The following IGSF3 variants were observed in gnomAD, a reference collection of about 807,000 sequenced individuals.
IGSF3 encodes glu-Trp-Ile EWI motif-containing protein 3.
A neutral mutation model predicts 114.4 loss-of-function variants in IGSF3; 23 were observed. That is an observed-to-expected ratio of 0.20 (90% CI 0.14 to 0.28). The LOEUF is 0.28. Among genes scored for constraint, IGSF3 ranks in the 10% least tolerant of loss-of-function variants. IGSF3 has a pLI of 1.00. For synonymous variants in IGSF3, 571 were observed against 645.2 expected (o/e 0.88, Z 1.74); for missense variants, 1,172 against 1,591.5 (o/e 0.74, Z 4.48).
chr1:116,574,917 C>G lies in IGSF3; in HGVS notation c.*2395G>C, dbSNP rs574060172. On this transcript the variant is annotated 3_prime_UTR_variant, in exon 11 of 11. Transcript: ENST00000369486. This position sits in a 1 kb window ranked among gnomAD's most constrained non-coding sequence, Gnocchi z 5.2. Reference sequence around the variant, plus strand: ...CAACCTTTGATGCTATCCCCCAGCCCAATACAAAATACACAGAAAAAGCAA... The same window carrying G: ...CAACCTTTGATGCTATCCCCCAGCCGAATACAAAATACACAGAAAAAGCAA... 1 of 152,712 alleles carries G rather than the reference C, an allele frequency of 6.5e-6. No individual in the cohort carries two copies. The highest frequency in any genetic ancestry group is 1.9e-4 in the East Asian group (1 of 5,192). 9.5% of individuals were successfully genotyped at this position (152,712 alleles called of 1,614,324 possible).
chr1:116,640,863 G>C (rs1419528817), intron 2 of IGSF3, among the ~76,000 whole-genome samples: 1 of 152,194 alleles, frequency 6.6e-6, no homozygotes, highest in Non-Finnish European at 1.5e-5. Flanking sequence ...TCTATTCTTT[G>C]ATGCCTTTGT....
At chr1:116,599,423 C>A (rs1055931206) in intron 7 of IGSF3, among the ~76,000 whole-genome samples, 1 of 146,552 alleles carries the variant, frequency 6.8e-6, no homozygotes, top group Non-Finnish European at 1.5e-5. Context: ...CACACACAAA[C>A]ACACAGGTTA....
At position 116,632,805 on chromosome 1, in the gene IGSF3, AGAAACAAGTG is replaced by A. The variant is rs1458060292; in HGVS notation, c.44-16358_44-16349del. Reference sequence around the variant, plus strand: ...TCCAGAAAAATAAAAGGCTGCAGCGAGAAACAAGTGGGGCCACAGAGAGAAAGGGGTTTTG... The same window carrying A: ...TCCAGAAAAATAAAAGGCTGCAGCGAGGGCCACAGAGAGAAAGGGGTTTTG... On this transcript the variant is annotated intron_variant, in intron 2 of 10. Transcript: ENST00000369486. The surrounding 1 kb of genome is among the most constrained non-coding windows in gnomAD (Gnocchi z 5.1). Among the ~76,000 whole-genome samples, 1 of 152,224 alleles carries A rather than the reference AGAAACAAGTG, an allele frequency of 6.6e-6. No individual in the cohort carries two copies. The highest frequency in any genetic ancestry group is 2.4e-5 in the African/African-American group (1 of 41,460).
In IGSF3 at chr1:116,616,601, T is replaced by C. The variant is rs1378621459; in HGVS notation, c.44-144A>G. The C allele has an allele frequency of 1.6e-6, 1 of 637,938 alleles. No individual in the cohort carries two copies. Among genetic ancestry groups the C allele is most frequent in the African/African-American group, 1.8e-5 (1 of 54,936 alleles). The allele number at this position is 637,938 out of a possible 1,614,324, so 39.5% of individuals were successfully genotyped here. On this transcript the variant is annotated intron_variant, in intron 2 of 10. Coordinates refer to ENST00000369486, the MANE Select transcript of IGSF3 (RefSeq NM_001007237.3). The surrounding 1 kb of genome is among the most constrained non-coding windows in gnomAD (Gnocchi z 6.6). ...TACTGGCCCTTTCAAAGGCGCTTTG[T>C]GATTTATAAATATTAATTAAAACAC...
rs1225694213 is a variant in IGSF3 at position 116,648,057 on chromosome 1, T to C, written c.43+18227A>G. 1.3e-5 allele frequency among the ~76,000 whole-genome samples: 2 copies of C among 152,030 alleles called. No individual in the cohort carries two copies. The highest frequency in any genetic ancestry group is 2.1e-4 in the South Asian group (1 of 4,832). On this transcript the variant is annotated intron_variant, in intron 2 of 10. Coordinates refer to ENST00000369486, the MANE Select transcript of IGSF3 (RefSeq NM_001007237.3). The surrounding 1 kb of genome is among the most constrained non-coding windows in gnomAD (Gnocchi z 4.7). ...AGGCAGAGGTTGCGATAAGCTGAGATTGGGCCACTGCACTCCAGCCTGGGC... is the reference window on the plus strand; with the variant it reads ...AGGCAGAGGTTGCGATAAGCTGAGACTGGGCCACTGCACTCCAGCCTGGGC...
intron 5 of IGSF3, 130 bp from the exon 6 acceptor site, chr1:116,604,155 C>T: frequency 1.2e-6 from 1 of 812,694 alleles, no homozygotes; most frequent in East Asian, 2.7e-5. Context: ...GGGTCAAAAA[C>T]ACTCTGACCC....
rs1416948806 is a variant in IGSF3 at position 116,655,408 on chromosome 1, G to A, written c.43+10876C>T. ...AAAAGAACAACTATTTTAAAAATCA[G>A]GTCTAAAGGTGAGCCATCCAAGAAA... On this transcript the variant is annotated intron_variant, in intron 2 of 10. Transcript: ENST00000369486. This position sits in a 1 kb window ranked among gnomAD's most constrained non-coding sequence, Gnocchi z 4.3. Among the ~76,000 whole-genome samples, 6 of 152,202 alleles carry A rather than the reference G, an allele frequency of 3.9e-5. No homozygotes were observed. Among genetic ancestry groups the A allele is most frequent in the Non-Finnish European group, 8.8e-5 (6 of 68,038 alleles).
At position 116,633,894 on chromosome 1, in the gene IGSF3, T is replaced by C. The variant is rs1647706037; in HGVS notation, c.44-17437A>G. ...AGGGCTGAGGTCAGCCCTGAGTCTG[T>C]AGGCTCTGCCCTCTCACAAAGGTGA... On this transcript the variant is annotated intron_variant, in intron 2 of 10. Transcript: ENST00000369486. This position sits in a 1 kb window ranked among gnomAD's most constrained non-coding sequence, Gnocchi z 4.3. 6.6e-6 allele frequency among the ~76,000 whole-genome samples: 1 copy of C among 152,246 alleles called. No homozygotes were observed. Among genetic ancestry groups the C allele is most frequent in the African/African-American group, 2.4e-5 (1 of 41,460 alleles).
chr1:116,579,945 G>A lies in IGSF3; in HGVS notation c.2849-68C>T. 1.5e-6 allele frequency: 2 copies of A among 1,351,252 alleles called. No homozygotes were observed. The highest frequency in any genetic ancestry group is 2.0e-6 in the Non-Finnish European group (2 of 999,494). 83.7% of individuals were successfully genotyped at this position (1,351,252 alleles called of 1,614,324 possible). On this transcript the variant is annotated intron_variant, in intron 9 of 10. Coordinates refer to ENST00000369486, the MANE Select transcript of IGSF3 (RefSeq NM_001007237.3). This position sits in a 1 kb window ranked among gnomAD's most constrained non-coding sequence, Gnocchi z 6.4. ...TTTATTTGCTCAAAATAAACTAAAT[G>A]TCCATCATTAAACACATGATAGTAA...
intron 6 of IGSF3, among the ~76,000 whole-genome samples, chr1:116,602,540 G>T (rs1660635868): frequency 6.6e-6 from 1 of 152,204 alleles, no homozygotes; most frequent in African/African-American, 2.4e-5. Flanking sequence ...CAAAAAGCAG[G>T]TCAATCTTTA....
chr1:116,601,498 T>C (rs1391095358), intron 6 of IGSF3, among the ~76,000 whole-genome samples: 1 of 152,202 alleles, frequency 6.6e-6, no homozygotes, highest in African/African-American at 2.4e-5. Flanking sequence ...TCAGTGTTTA[T>C]AAATATTACA....
chr1:116,659,602 T>C (rs1324233949), intron 2 of IGSF3, among the ~76,000 whole-genome samples: 1 of 152,198 alleles, frequency 6.6e-6, no homozygotes, highest in Non-Finnish European at 1.5e-5. Flanking sequence ...AACTCCCTTT[T>C]TTTTTTTGAG....
chr1:116,656,402 A>G (rs1411058876), intron 2 of IGSF3, among the ~76,000 whole-genome samples: 4 of 136,628 alleles, frequency 2.9e-5, no homozygotes, highest in East Asian at 2.2e-4. Flanking sequence ...CCGGGTTCAC[A>G]CCATTCTCCT....
chr1:116,584,580 A>C lies in IGSF3; in HGVS notation c.2848+65T>G, dbSNP rs768355747. 2 of 1,497,416 alleles carry C rather than the reference A, an allele frequency of 1.3e-6. No homozygotes were observed. Among genetic ancestry groups the C allele is most frequent in the Non-Finnish European group, 9.3e-7 (1 of 1,077,382 alleles). 92.8% of individuals were successfully genotyped at this position (1,497,416 alleles called of 1,614,324 possible). Reference sequence around the variant, plus strand: ...TTAATAAACTAATTTTATCCAGTGCATAAAACAGTATACTTAAATGGGAAA... The same window carrying C: ...TTAATAAACTAATTTTATCCAGTGCCTAAAACAGTATACTTAAATGGGAAA... On this transcript the variant is annotated intron_variant, in intron 9 of 10. Coordinates refer to ENST00000369486, the MANE Select transcript of IGSF3 (RefSeq NM_001007237.3). The surrounding 1 kb of genome is among the most constrained non-coding windows in gnomAD (Gnocchi z 5.8).
At position 116,662,057 on chromosome 1, in the gene IGSF3, CTATCTTAGGCAAGTGACTCTTTTT is replaced by C. The variant is rs1386307188; in HGVS notation, c.43+4203_43+4226del. On this transcript the variant is annotated intron_variant, in intron 2 of 10. Transcript: ENST00000369486. This position sits in a 1 kb window ranked among gnomAD's most constrained non-coding sequence, Gnocchi z 4.3. ...TTGGAGCCCTAACACTGTCAGCAAT[CTATCTTAGGCAAGTGACTCTTTTT>C]TTTTTTTTGAGACAGAGTTTTGCTC... 6.6e-6 allele frequency among the ~76,000 whole-genome samples: 1 copy of C among 151,858 alleles called. No homozygotes were observed.
At chr1:116,606,165 A>G (rs1414542329) in intron 5 of IGSF3, among the ~76,000 whole-genome samples, 6 of 152,274 alleles carry the variant, frequency 3.9e-5, no homozygotes, top group Admixed American at 6.5e-5. Context: ...ACATTCACAA[A>G]TGAAATTTCA....
intron 2 of IGSF3, among the ~76,000 whole-genome samples, chr1:116,631,702 T>C (rs1434727650): frequency 1.3e-5 from 2 of 152,162 alleles, no homozygotes; most frequent in African/African-American, 4.8e-5. Flanking sequence ...AGAGAATCTA[T>C]TCCCTGGGCC....
chr1:116,646,258 A>T (rs1166727729), intron 2 of IGSF3, among the ~76,000 whole-genome samples: 1 of 152,170 alleles, frequency 6.6e-6, no homozygotes, highest in Non-Finnish European at 1.5e-5. Flanking sequence ...GTCACTTCCC[A>T]CAGGCGAAAC....
chr1:116,608,713 CTATT>C (rs1429192767), intron 4 of IGSF3, among the ~76,000 whole-genome samples: 2 of 152,270 alleles, frequency 1.3e-5, no homozygotes, highest in East Asian at 3.9e-4. Context: ...ACCCAGAACT[CTATT>C]TAAGCAACAG....
Sources: allele counts gnomAD v4.1 joint callset (sites outside exome capture counted in the v4.1 genomes callset), GRCh38; gene constraint gnomAD v4.1.1; non-coding constraint Gnocchi (gnomAD v3.1); transcripts MANE v1.5; gene names NCBI Gene and HGNC (gene_info 2026-07-23, HGNC 2026-07-21).